SEMA6D: variants seen among roughly 807,000 people sequenced by gnomAD.
The protein encoded by SEMA6D is semaphorin 6D.
Under a neutral mutation model 106.6 loss-of-function variants are expected in SEMA6D, and 35 were observed. The observed-to-expected ratio is 0.33, with a 90% CI of 0.25 to 0.44. The LOEUF (loss-of-function observed/expected upper bound fraction) is 0.44, where lower values mean the gene tolerates loss of function less well. Among genes scored for constraint, SEMA6D ranks in the 20% least tolerant of loss-of-function variants. The pLI is 1.00. For synonymous variants in SEMA6D, 499 were observed against 487.7 expected (o/e 1.02, Z -0.31); for missense variants, 1,185 against 1,345.9 (o/e 0.88, Z 1.87).
chr15:47,260,089 TC>T (rs2034001211), intron 1 of SEMA6D, among the ~76,000 whole-genome samples: 1 of 152,044 alleles, frequency 6.6e-6, no homozygotes, highest in Non-Finnish European at 1.5e-5. Flanking sequence ...GCTGATATTT[TC>T]TACTTTATAT....
intron 1 of SEMA6D, among the ~76,000 whole-genome samples, chr15:47,278,904 G>T (rs1246566192): frequency 6.8e-6 from 1 of 146,814 alleles, no homozygotes; most frequent in Non-Finnish European, 1.5e-5. Flanking sequence ...TCTCAGGTTT[G>T]TCAGAGATCA....
chr15:47,280,334 T>C (rs993011178), intron 1 of SEMA6D, among the ~76,000 whole-genome samples: 3 of 151,738 alleles, frequency 2.0e-5, no homozygotes, highest in Admixed American at 6.6e-5. Context: ...TGTAGTATTC[T>C]CTGATGGTAG....
chr15:47,639,188 G>T (rs2077446085), intron 4 of SEMA6D, among the ~76,000 whole-genome samples: 1 of 152,160 alleles, frequency 6.6e-6, no homozygotes, highest in Admixed American at 6.5e-5. Flanking sequence ...AAAAGCACAT[G>T]TACAGCATGA....
chr15:47,507,122 G>T (rs959670840), intron 3 of SEMA6D, among the ~76,000 whole-genome samples: 2 of 152,224 alleles, frequency 1.3e-5, no homozygotes, highest in African/African-American at 4.8e-5. Context: ...GGATTATGGA[G>T]CTGTCAGCCT....
intron 2 of SEMA6D, among the ~76,000 whole-genome samples, chr15:47,423,123 G>A (rs1360504714): frequency 2.0e-5 from 3 of 152,186 alleles, no homozygotes; most frequent in Non-Finnish European, 2.9e-5. Context: ...TCTGTGTGCT[G>A]TAATGCATAT....
At chr15:47,704,819 T>TA (rs1471606174) in intron 4 of SEMA6D, among the ~76,000 whole-genome samples, 1 of 152,172 alleles carries the variant, frequency 6.6e-6, no homozygotes, top group Non-Finnish European at 1.5e-5. Flanking sequence ...TATTTTCTTT[T>TA]AAAAAAAGGA....
chr15:47,526,711 G>T (rs1422415054), intron 3 of SEMA6D, among the ~76,000 whole-genome samples: 1 of 151,976 alleles, frequency 6.6e-6, no homozygotes, highest in Non-Finnish European at 1.5e-5. Context: ...ATGGTGGTTG[G>T]CACCAATATG....
intron 1 of SEMA6D, among the ~76,000 whole-genome samples, chr15:47,720,502 T>A (rs1445098720): frequency 6.6e-6 from 1 of 152,126 alleles, no homozygotes. Context: ...GTGATGTAAA[T>A]CCGTTAGTCC....
At chr15:47,239,409 A>G (rs1420727409) in intron 1 of SEMA6D, among the ~76,000 whole-genome samples, 1 of 152,152 alleles carries the variant, frequency 6.6e-6, no homozygotes, top group Non-Finnish European at 1.5e-5. Flanking sequence ...CCATCCCCCA[A>G]TCCCACAATT....
At chr15:47,576,970 A>G (rs897923037) in intron 3 of SEMA6D, among the ~76,000 whole-genome samples, 5 of 152,240 alleles carry the variant, frequency 3.3e-5, no homozygotes, top group African/African-American at 1.2e-4. Context: ...TTATGCACAC[A>G]TGGAATGCTT....
At chr15:47,454,872 C>G (rs1359151848) in intron 2 of SEMA6D, among the ~76,000 whole-genome samples, 2 of 151,858 alleles carry the variant, frequency 1.3e-5, no homozygotes, top group Non-Finnish European at 1.5e-5. Flanking sequence ...GCTCTGCAGT[C>G]AGTGTCTAAA....
At chr15:47,261,007 A>G (rs1198034328) in intron 1 of SEMA6D, among the ~76,000 whole-genome samples, 1 of 151,968 alleles carries the variant, frequency 6.6e-6, no homozygotes, top group Non-Finnish European at 1.5e-5. Context: ...TGTCCCAAAC[A>G]ATTTACCTTC....
chr15:47,187,711 G>A (rs2140907757), intron 1 of SEMA6D, among the ~76,000 whole-genome samples: 1 of 152,094 alleles, frequency 6.6e-6, no homozygotes, highest in East Asian at 1.9e-4. Flanking sequence ...ACTATGTTGG[G>A]TCTGACTCTT....
intron 1 of SEMA6D, among the ~76,000 whole-genome samples, chr15:47,202,606 T>G (rs1894795423): frequency 1.3e-5 from 2 of 152,126 alleles, no homozygotes; most frequent in Admixed American, 1.3e-4. Flanking sequence ...AAACCCCAAG[T>G]CAAACGGTCA....
At position 47,726,565 on chromosome 15, in the gene SEMA6D, T is replaced by C. The variant is rs189736585; in HGVS notation, c.-55+8873T>C. 5.5e-4 allele frequency among the ~76,000 whole-genome samples: 84 copies of C among 152,334 alleles called. 1 individual carries two copies. The highest frequency in any genetic ancestry group is 5.9e-5 in the Non-Finnish European group (4 of 68,038). ...CTCTTGGAGTCAACTTCGTGGGGGCTGTGAGTTTTGGAGTGTGACTGATAA... is the reference window on the plus strand; with the variant it reads ...CTCTTGGAGTCAACTTCGTGGGGGCCGTGAGTTTTGGAGTGTGACTGATAA... On this transcript the variant is annotated intron_variant, in intron 1 of 18. Transcript: ENST00000536845.
chr15:47,236,111 A>G (rs191658927), intron 1 of SEMA6D, among the ~76,000 whole-genome samples: 4 of 152,274 alleles, frequency 2.6e-5, no homozygotes, highest in South Asian at 2.1e-4. Context: ...TCTGGATTGC[A>G]TCAATCTTTG....
At chr15:47,427,309 G>A (rs116953415) in intron 2 of SEMA6D, among the ~76,000 whole-genome samples, 19 of 152,260 alleles carry the variant, frequency 1.2e-4, no homozygotes, top group Non-Finnish European at 2.4e-4. Context: ...CAAACCTGCT[G>A]TATAGTGCAT....
chr15:47,217,270 A>G (rs1259392512), intron 1 of SEMA6D, among the ~76,000 whole-genome samples: 6 of 152,204 alleles, frequency 3.9e-5, no homozygotes, highest in Non-Finnish European at 8.8e-5. Context: ...GGAAATTGGC[A>G]TGATTAATCA....
chr15:47,295,775 A>G (rs2142918081), intron 1 of SEMA6D, among the ~76,000 whole-genome samples: 1 of 152,028 alleles, frequency 6.6e-6, no homozygotes, highest in African/African-American at 2.4e-5. Flanking sequence ...TTGGCCCCAC[A>G]GTTAAAAGCC....
Sources: gnomAD v4.1 joint callset for allele counts (sites outside exome capture counted in the v4.1 genomes callset) on GRCh38, gnomAD v4.1.1 for gene constraint, MANE v1.5 for transcripts, NCBI Gene and HGNC (gene_info 2026-07-23, HGNC 2026-07-21) for gene names.